Variants in PRKN observed in about 807,000 individuals in gnomAD.
PRKN encodes parkin RBR E3 ubiquitin protein ligase.
A neutral mutation model predicts 59.5 loss-of-function variants in PRKN; 56 were observed. The ratio of observed to expected loss-of-function variants is 0.94; its 90% CI spans 0.76 to 1.18. The LOEUF (loss-of-function observed/expected upper bound fraction) is 1.18, where lower values mean the gene tolerates loss of function less well. Among genes scored for constraint, PRKN ranks in the 50% most tolerant of loss-of-function variants. The pLI is 0.00. For missense variants in PRKN, 657 were observed against 596.4 expected, an observed-to-expected ratio of 1.10 and a Z score of -1.06; for synonymous variants, 250 against 222.1, an observed-to-expected ratio of 1.13 and a Z score of -1.12.
chr6:161,834,180 T>C (rs944010122), intron 6 of PRKN, among the ~76,000 whole-genome samples: 2 of 151,928 alleles, frequency 1.3e-5, no homozygotes, highest in African/African-American at 2.4e-5. Context: ...ACCAGTTTTA[T>C]GCACTGATCT....
intron 9 of PRKN, among the ~76,000 whole-genome samples, chr6:161,394,551 C>T (rs3924680): frequency 0.072 from 10,979 of 152,190 alleles, 467 homozygotes; most frequent in Non-Finnish European, 0.08. Context: ...AAAAGATCCC[C>T]GAAAATCCCC....
At chr6:162,580,855 T>A (rs1248025532) in intron 1 of PRKN, among the ~76,000 whole-genome samples, 2 of 152,222 alleles carry the variant, frequency 1.3e-5, no homozygotes, top group African/African-American at 4.8e-5. Flanking sequence ...TTGCTGAGTA[T>A]ATAACGCCTT....
rs1331051605 is a variant in PRKN at position 161,874,318 on chromosome 6, A to G, written c.735-88410T>C. The stretch of plus-strand genomic sequence containing the variant: ...ATTACATGTAAAATATTATATATAA[A>G]ATATATATTACATGTAAAATATTAT... On this transcript the variant is annotated intron_variant, in intron 6 of 11. Transcript: ENST00000366898. Among the ~76,000 whole-genome samples, 15 of 58,988 alleles carry G rather than the reference A, an allele frequency of 2.5e-4. 1 individual carries two copies. The highest frequency in any genetic ancestry group is 1.2e-3 in the African/African-American group (15 of 12,846). The allele number at this position is 58,988 out of a possible 152,430, so 38.7% of individuals were successfully genotyped here. A position where few individuals can be genotyped will look rare whatever the true frequency, so the allele number is the denominator to read the frequency against.
chr6:162,378,932 T>A (rs1236413625), intron 2 of PRKN, among the ~76,000 whole-genome samples: 1 of 152,180 alleles, frequency 6.6e-6, no homozygotes, highest in East Asian at 1.9e-4. Flanking sequence ...AGAGGTGCCA[T>A]GATTTATTTA....
At chr6:162,067,441 C>A (rs1004411749) in intron 4 of PRKN, among the ~76,000 whole-genome samples, 3 of 152,086 alleles carry the variant, frequency 2.0e-5, no homozygotes, top group African/African-American at 7.2e-5. Context: ...ATAAATAAGT[C>A]TTTTGGAAGA....
At chr6:161,557,686 A>T (rs922143759) in intron 8 of PRKN, among the ~76,000 whole-genome samples, 7 of 152,208 alleles carry the variant, frequency 4.6e-5, no homozygotes, top group Non-Finnish European at 7.3e-5. Flanking sequence ...ATCTAATTTT[A>T]AAAACTACAA....
intron 7 of PRKN, among the ~76,000 whole-genome samples, chr6:161,662,539 G>A (rs1784585762): frequency 6.6e-6 from 1 of 152,108 alleles, no homozygotes; most frequent in Admixed American, 6.5e-5. Context: ...TCTGACTTTG[G>A]CTAAGGGTTG....
chr6:162,266,942 T>G (rs1780168245), intron 2 of PRKN, among the ~76,000 whole-genome samples: 1 of 152,134 alleles, frequency 6.6e-6, no homozygotes, highest in Admixed American at 6.5e-5. Flanking sequence ...AATGTGACAA[T>G]CTCTCTGGTA....
intron 2 of PRKN, chr6:162,263,152 T>C: frequency 3.5e-6 from 1 of 284,334 alleles, no homozygotes; most frequent in East Asian, 9.5e-5. Context: ...TGATTTCCGC[T>C]CATTGCAACC....
At chr6:162,666,935 G>A (rs113126318) in intron 1 of PRKN, among the ~76,000 whole-genome samples, 9 of 151,982 alleles carry the variant, frequency 5.9e-5, no homozygotes, top group African/African-American at 1.2e-4. Context: ...TACAGATGAC[G>A]TATTCAAATG....
chr6:161,877,330 G>T (rs1794767925), intron 6 of PRKN, among the ~76,000 whole-genome samples: 1 of 152,110 alleles, frequency 6.6e-6, no homozygotes, highest in Non-Finnish European at 1.5e-5. Flanking sequence ...GACCATCCCA[G>T]AGCTCTCACC....
intron 9 of PRKN, among the ~76,000 whole-genome samples, chr6:161,495,348 T>C (rs781611538): frequency 1.3e-5 from 2 of 152,318 alleles, no homozygotes; most frequent in Admixed American, 1.3e-4. Flanking sequence ...ATAGTTGTCC[T>C]CCTGATGTGT....
intron 1 of PRKN, among the ~76,000 whole-genome samples, chr6:162,482,765 T>C (rs111418083): frequency 2.8e-4 from 42 of 152,276 alleles, no homozygotes; most frequent in African/African-American, 9.4e-4. Flanking sequence ...ATGAGATGCA[T>C]AGGCTCTTTA....
At chr6:161,786,546 A>G (rs1447159777) in intron 6 of PRKN, among the ~76,000 whole-genome samples, 2 of 152,144 alleles carry the variant, frequency 1.3e-5, no homozygotes, top group Non-Finnish European at 2.9e-5. Flanking sequence ...AGATTTTCAA[A>G]ATTCTGCTAT....
chr6:162,425,077 C>G (rs1010777261), intron 2 of PRKN, among the ~76,000 whole-genome samples: 6 of 151,350 alleles, frequency 4.0e-5, no homozygotes, highest in African/African-American at 1.5e-4. Flanking sequence ...AAAAAAAAAT[C>G]TACCCATCAG....
chr6:161,700,618 T>C (rs983698471), intron 7 of PRKN, among the ~76,000 whole-genome samples: 1 of 152,186 alleles, frequency 6.6e-6, no homozygotes, highest in South Asian at 2.1e-4. Context: ...AACCAAACAT[T>C]TGTTTCCTGC....
At chr6:161,919,945 A>T (rs73604855) in intron 6 of PRKN, among the ~76,000 whole-genome samples, 7,150 of 152,292 alleles carry the variant, frequency 0.047, 588 homozygotes, top group African/African-American at 0.16. Flanking sequence ...ACATTCTGAG[A>T]AATAGGTCTT....
intron 2 of PRKN, among the ~76,000 whole-genome samples, chr6:162,294,115 C>CAT (rs10668829): frequency 0.52 from 79,237 of 151,136 alleles, 22,959 homozygotes; most frequent in East Asian, 0.84. Flanking sequence ...AGAGAGGCAT[C>CAT]ATTGGGAGGC....
intron 6 of PRKN, among the ~76,000 whole-genome samples, chr6:161,942,927 T>C (rs1790024): frequency 0.079 from 11,955 of 152,240 alleles, 719 homozygotes; most frequent in East Asian, 0.3. Context: ...TTTGCAAAGA[T>C]GATGATTAGG....
Sources: gnomAD v4.1 joint callset for allele counts (sites outside exome capture counted in the v4.1 genomes callset) on GRCh38, gnomAD v4.1.1 for gene constraint, MANE v1.5 for transcripts, NCBI Gene and HGNC (gene_info 2026-07-23, HGNC 2026-07-21) for gene names.